Variants in MORC2 observed in about 807,000 individuals in gnomAD.
The protein encoded by MORC2 is MORC family CW-type zinc finger 2, also known as ATPase MORC2.
In MORC2, 30 loss-of-function variants were observed where a neutral mutation model predicts 136.0. That is an observed-to-expected ratio of 0.22 (90% CI 0.17 to 0.30). The LOEUF is 0.30. Among genes scored for constraint, MORC2 ranks in the 10% least tolerant of loss-of-function variants. MORC2 has a pLI of 1.00. For missense variants in MORC2, 922 were observed against 1,333.1 expected, an observed-to-expected ratio of 0.69 and a Z score of 4.80; for synonymous variants, 439 against 487.0, an observed-to-expected ratio of 0.90 and a Z score of 1.30.
Position 30,934,875 on chromosome 22 carries a change from A to G in MORC2, c.2099T>C (p.Leu700Pro), listed in dbSNP as rs772866972. 6.2e-7 allele frequency: 1 copy of G among 1,614,162 alleles called. No homozygotes were observed. The highest frequency in any genetic ancestry group is 2.2e-5 in the East Asian group (1 of 44,868). Residue 700 changes from leucine to proline, a missense_variant, in exon 19 of 26, where the codon CTG (leucine) becomes CCG (proline). This residue lies in a region of MORC2 where 184 missense variants were observed against 180.3 expected (regional missense o/e 1.02). Coordinates refer to ENST00000397641, the MANE Select transcript of MORC2 (RefSeq NM_001303256.3). The surrounding 1 kb of genome is among the most constrained non-coding windows in gnomAD (Gnocchi z 4.4). ...CTCCCGAGGGCTCTTGGAGTTGGGC[A>G]GTAAAGATGGTGACAGTTGCTGCAC... ...PLVQQLSPSL[L>P]PNSKSPREVP...
At chr22:30,940,956 A>G (rs2040734589) in intron 9 of MORC2, 119 bp from the exon 10 acceptor site, 1 of 839,742 alleles carries the variant, frequency 1.2e-6, no homozygotes, top group Admixed American at 1.8e-5. Context: ...CTGGCCCCTC[A>G]TGATGAGACA....
At chr22:30,947,192 C>T (rs1430031350) in intron 5 of MORC2, among the ~76,000 whole-genome samples, 3 of 152,238 alleles carry the variant, frequency 2.0e-5, no homozygotes, top group Non-Finnish European at 4.4e-5. Flanking sequence ...CAGGCAGCTC[C>T]CTGCTTTTGG....
intron 5 of MORC2, among the ~76,000 whole-genome samples, chr22:30,948,193 A>G (rs1293631698): frequency 1.3e-5 from 2 of 152,134 alleles, no homozygotes; most frequent in African/African-American, 4.8e-5. Context: ...GGGAGGTGAA[A>G]TGGCTTGCCT....
At chr22:30,944,638 C>A (rs2240177) in intron 6 of MORC2, among the ~76,000 whole-genome samples, 60,179 of 151,878 alleles carry the variant, frequency 0.4, 13,015 homozygotes, top group East Asian at 0.67. Context: ...AACTTACACT[C>A]TTCCCCTCCA....
In MORC2 at chr22:30,937,746, C is replaced by A; in HGVS notation, c.1370-35G>T. 6.2e-7 allele frequency: 1 copy of A among 1,614,002 alleles called. No individual in the cohort carries two copies. Among genetic ancestry groups the A allele is most frequent in the Non-Finnish European group, 8.5e-7 (1 of 1,179,924 alleles). On this transcript the variant is annotated intron_variant, in intron 14 of 25. Transcript: ENST00000397641. The surrounding 1 kb of genome is among the most constrained non-coding windows in gnomAD (Gnocchi z 4.7). ...AAACACCGATACATCATGTTAGGAG[C>A]CAGCCTCTCTCTCTCCCTACATTCA...
At chr22:30,943,846 T>G (rs1212522194) in intron 6 of MORC2, among the ~76,000 whole-genome samples, 1 of 152,206 alleles carries the variant, frequency 6.6e-6, no homozygotes, top group Non-Finnish European at 1.5e-5. Flanking sequence ...CTCGGCTCAC[T>G]GCAACCTCCG....
At chr22:30,959,505 G>A (rs1569203565) in intron 1 of MORC2, among the ~76,000 whole-genome samples, 2 of 152,098 alleles carry the variant, frequency 1.3e-5, no homozygotes, top group Admixed American at 1.3e-4. Flanking sequence ...GGTAGATGAC[G>A]CACAAGTATT....
Position 30,937,085 on chromosome 22 carries a change from T to G in MORC2, c.1499-48A>C. 4.9e-5 allele frequency: 68 copies of G among 1,388,808 alleles called. No homozygotes were observed. Among genetic ancestry groups the G allele is most frequent in the Non-Finnish European group, 6.2e-5 (61 of 978,944 alleles). 86.0% of individuals were successfully genotyped at this position (1,388,808 alleles called of 1,614,324 possible). On this transcript the variant is annotated intron_variant, in intron 15 of 25. Transcript: ENST00000397641. The surrounding 1 kb of genome is among the most constrained non-coding windows in gnomAD (Gnocchi z 4.7). ...ACATATCAGCCACGCCCACCAACTC[T>G]ATCTGTAATCCGGGTTCCTCACAGG...
chr22:30,965,962 T>C (rs754742876), intron 1 of MORC2, among the ~76,000 whole-genome samples: 8 of 152,256 alleles, frequency 5.3e-5, no homozygotes, highest in Admixed American at 3.9e-4. Flanking sequence ...TCTTAAATCT[T>C]GGCACCGTTT....
intron 3 of MORC2, among the ~76,000 whole-genome samples, chr22:30,953,803 G>A (rs1450515831): frequency 6.6e-6 from 1 of 152,028 alleles, no homozygotes; most frequent in Non-Finnish European, 1.5e-5. Context: ...ATATGCTTTG[G>A]GTAAATGAAC....
rs1346572254 is a variant in MORC2, at chr22:30,932,269, G to C, written c.2841+90C>G. The C allele has an allele frequency of 8.8e-6, 10 of 1,132,102 alleles. No individual in the cohort carries two copies. The highest frequency in any genetic ancestry group is 1.4e-5 in the South Asian group (1 of 69,308). The allele number at this position is 1,132,102 out of a possible 1,614,324, so 70.1% of individuals were successfully genotyped here. On this transcript the variant is annotated intron_variant, in intron 24 of 25. Coordinates refer to ENST00000397641, the MANE Select transcript of MORC2 (RefSeq NM_001303256.3). This position sits in a 1 kb window ranked among gnomAD's most constrained non-coding sequence, Gnocchi z 4.4. ...CTGAGAGCTAGCAACTGCAACAAGC[G>C]TAACAATCATAATCACAACAGTTAC...
chr22:30,939,813 C>A, intron 11 of MORC2, 107 bp from the exon 12 acceptor site: 1 of 1,356,604 alleles, frequency 7.4e-7, no homozygotes, highest in Non-Finnish European at 1.0e-6. Context: ...GATGTAAAAC[C>A]ACACCTGGAA....
At position 30,942,013 on chromosome 22, in the gene MORC2, G is replaced by A; in HGVS notation, c.587-11C>T. ...TGATCACCAATGTTCCTGAGAAACA[G>A]AAATCTTTTGTCCTGCCAGATCCCC... On this transcript the variant is annotated splice_polypyrimidine_tract_variant and intron_variant, in intron 7 of 25. Coordinates refer to ENST00000397641, the MANE Select transcript of MORC2 (RefSeq NM_001303256.3). 6.2e-7 allele frequency: 1 copy of A among 1,611,982 alleles called. No individual in the cohort carries two copies. The highest frequency in any genetic ancestry group is 2.2e-5 in the East Asian group (1 of 44,850).
chr22:30,949,937 GGTGT>G (rs1418327392), intron 4 of MORC2, 95 bp from the exon 5 acceptor site: 3 of 1,109,934 alleles, frequency 2.7e-6, no homozygotes, highest in Non-Finnish European at 4.0e-6. Context: ...TCCAAGCAGG[GGTGT>G]GTATCTGCTG....
At chr22:30,935,356 A>T in intron 17 of MORC2, 34 bp from the exon 18 acceptor site, 1 of 1,596,202 alleles carries the variant, frequency 6.3e-7, no homozygotes, top group African/African-American at 1.3e-5. Flanking sequence ...AGTTGTTTGC[A>T]TATTTTAGTA....
intron 25 of MORC2, among the ~76,000 whole-genome samples, chr22:30,927,074 A>G (rs2040243014): frequency 6.6e-6 from 1 of 151,334 alleles, no homozygotes; most frequent in South Asian, 2.1e-4. Flanking sequence ...CAGATTTCCT[A>G]CGCCCACCCT....
intron 1 of MORC2, among the ~76,000 whole-genome samples, chr22:30,961,446 AG>A (rs1411787291): frequency 1.3e-5 from 2 of 152,198 alleles, no homozygotes; most frequent in Non-Finnish European, 2.9e-5. Flanking sequence ...CAAACATATA[AG>A]TGACTTAGAA....
Position 30,967,997 on chromosome 22 carries a change from T to C in MORC2, c.-108A>G, listed in dbSNP as rs1463708571. ...CAGTAAAGCTTCAGTAAGTCTGTGC[T>C]CCTTAATGACAGTTAAAGTAACCTA... On this transcript the variant is annotated 5_prime_UTR_variant, in exon 1 of 26. Coordinates refer to ENST00000397641, the MANE Select transcript of MORC2 (RefSeq NM_001303256.3). The C allele has an allele frequency of 2.0e-6, 2 of 984,456 alleles. No homozygotes were observed. Among genetic ancestry groups the C allele is most frequent in the Non-Finnish European group, 3.1e-6 (2 of 639,894 alleles). The allele number at this position is 984,456 out of a possible 1,614,324, so 61.0% of individuals were successfully genotyped here. A position where few individuals can be genotyped will look rare whatever the true frequency, so the allele number is the denominator to read the frequency against.
intron 5 of MORC2, among the ~76,000 whole-genome samples, chr22:30,948,083 G>A (rs911673264): frequency 4.6e-5 from 7 of 152,142 alleles, no homozygotes; most frequent in African/African-American, 1.7e-4. Flanking sequence ...TTCCCAGTCT[G>A]CTAACCACTT....
Sources: allele counts gnomAD v4.1 joint callset (sites outside exome capture counted in the v4.1 genomes callset), GRCh38; gene constraint gnomAD v4.1.1; regional missense constraint gnomAD v4.1.1; non-coding constraint Gnocchi (gnomAD v3.1); transcripts MANE v1.5; gene names NCBI Gene and HGNC (gene_info 2026-07-23, HGNC 2026-07-21).